The following ZNF566 variants were observed in gnomAD, a reference collection of about 807,000 sequenced individuals.
ZNF566 encodes zinc finger protein 566.
Under a neutral mutation model 32.8 loss-of-function variants are expected in ZNF566, and 27 were observed. The ratio of observed to expected loss-of-function variants is 0.82; its 90% CI spans 0.61 to 1.14. The LOEUF (loss-of-function observed/expected upper bound fraction) is 1.14. ZNF566 is among the 50% of genes most tolerant of loss of function. The probability of loss-of-function intolerance (pLI) is 0.00; values close to 1 mark genes in which losing one functional copy is unlikely to be tolerated. For missense variants in ZNF566, 402 were observed against 490.4 expected, an observed-to-expected ratio of 0.82 and a Z score of 1.70; for synonymous variants, 154 against 159.5, an observed-to-expected ratio of 0.97 and a Z score of 0.26.
rs372136007 is a variant in ZNF566, at chr19:36,449,871, A to G, written c.363T>C (p.Asp121=). Residue 121 remains aspartate (D), a synonymous_variant, in exon 5 of 5, where the codon GAT becomes GAC. Transcript: ENST00000452939. ...TCTTAAACTGCCGATTACATTCCCA[A>G]TCATCTCTGAAACTGGAGCACTGAA... The part of the protein sequence containing the change: ...RDFQCSSFRD[D]WECNRQFKKE... 1.1e-5 allele frequency: 17 copies of G among 1,613,936 alleles called. No individual in the cohort carries two copies. The Middle Eastern group carries it at 8.2e-4, about 78-fold the overall frequency.
chr19:36,450,949 A>G (rs928817265), intron 4 of ZNF566, among the ~76,000 whole-genome samples: 3 of 152,242 alleles, frequency 2.0e-5, no homozygotes, highest in African/African-American at 4.8e-5. Flanking sequence ...TTAGATATGC[A>G]TCGTCTAATA....
At chr19:36,486,544 G>A (rs1019703489) in intron 1 of ZNF566, among the ~76,000 whole-genome samples, 2 of 151,856 alleles carry the variant, frequency 1.3e-5, no homozygotes, top group Admixed American at 6.6e-5. Context: ...GGTGGCGCAA[G>A]CCTGTAATCC....
intron 4 of ZNF566, among the ~76,000 whole-genome samples, chr19:36,453,316 T>C (rs2033210925): frequency 6.6e-6 from 1 of 151,020 alleles, no homozygotes. Flanking sequence ...CTACTAAAAA[T>C]ACAAAAGTTA....
intron 4 of ZNF566, among the ~76,000 whole-genome samples, chr19:36,463,644 G>T (rs1205854686): frequency 6.8e-6 from 1 of 147,758 alleles, no homozygotes; most frequent in African/African-American, 2.5e-5. Flanking sequence ...CTGGGTTCAA[G>T]TGATGCTCAT....
Position 36,472,948 on chromosome 19 carries a change from C to G in ZNF566, c.195G>C (p.Trp65Cys), listed in dbSNP as rs750951939. ...CTCTTGTTAGCTCTCTGTCAGCCAA[C>G]CAGGGCTCCTTCCCTTGCTCCAAGT... ...ISYLEQGKEP[W>C]LADRELTRGQ... The change falls in exon 4 of 5, where the codon TGG (tryptophan) becomes TGC (cysteine). Residue 65 changes from tryptophan to cysteine, a missense_variant. By Grantham distance (215) the Trp-to-Cys change is radical. This residue lies in a region of ZNF566 where 220 missense variants were observed against 241.9 expected (regional missense o/e 0.91). Transcript: ENST00000452939. The G allele has an allele frequency of 1.2e-6, 2 of 1,614,036 alleles. No individual in the cohort carries two copies. Among genetic ancestry groups the G allele is most frequent in the South Asian group, 2.2e-5 (2 of 91,064 alleles).
chr19:36,449,124 C>T lies in ZNF566; in HGVS notation c.1110G>A (p.Lys370=). 1 of 1,614,058 alleles carries T rather than the reference C, an allele frequency of 6.2e-7. No homozygotes were observed. The highest frequency in any genetic ancestry group is 8.5e-7 in the Non-Finnish European group (1 of 1,179,984). The part of the protein sequence containing the change: ...IHTGEKPYEC[K]ICGKAYSQSS... ...TCTGAGAATAAGCCTTCCCACATAT[C>T]TTACATTCATAGGGTTTCTCCCCAG... The change falls in exon 5 of 5, where the codon AAG becomes AAA. Residue 370 remains lysine (K), a synonymous_variant. Transcript: ENST00000452939.
chr19:36,461,298 C>A (rs1457646957), intron 4 of ZNF566, among the ~76,000 whole-genome samples: 1 of 152,202 alleles, frequency 6.6e-6, no homozygotes, highest in African/African-American at 2.4e-5. Flanking sequence ...GTGTAGGATA[C>A]ACCCTGAGTT....
chr19:36,459,700 C>T (rs1158466110), intron 4 of ZNF566, among the ~76,000 whole-genome samples: 4 of 149,240 alleles, frequency 2.7e-5, no homozygotes, highest in South Asian at 4.3e-4. Flanking sequence ...TTAGTAAAGA[C>T]GGGGTTTCAC....
chr19:36,452,948 T>C (rs934403502), intron 4 of ZNF566, among the ~76,000 whole-genome samples: 2 of 151,784 alleles, frequency 1.3e-5, no homozygotes, highest in African/African-American at 4.8e-5. Context: ...TGAAACCCTG[T>C]CTCTACTAAA....
At chr19:36,487,860 G>A (rs1252650047) in intron 1 of ZNF566, among the ~76,000 whole-genome samples, 9 of 129,888 alleles carry the variant, frequency 6.9e-5, no homozygotes, top group Non-Finnish European at 1.4e-4. Context: ...TTGCATCACT[G>A]CACTCCAGCC....
At chr19:36,489,331 A>T (rs2034251817) in intron 1 of ZNF566, 155 bp downstream of exon 1, 3 of 228,782 alleles carry the variant, frequency 1.3e-5, no homozygotes, top group Non-Finnish European at 1.8e-5. Flanking sequence ...AAACACACTC[A>T]TCACAAGGGC....
chr19:36,481,005 T>C (rs191710419), intron 1 of ZNF566, among the ~76,000 whole-genome samples: 9 of 151,926 alleles, frequency 5.9e-5, no homozygotes, highest in Admixed American at 2.0e-4. Context: ...ATCACACCAC[T>C]GAACTCCGGC....
chr19:36,461,831 G>C (rs1243340377), intron 4 of ZNF566, among the ~76,000 whole-genome samples: 2 of 152,140 alleles, frequency 1.3e-5, no homozygotes, highest in Non-Finnish European at 2.9e-5. Flanking sequence ...GGCCTTTGCA[G>C]TGTTATTTGG....
intron 4 of ZNF566, among the ~76,000 whole-genome samples, chr19:36,452,189 C>A (rs2033175774): frequency 6.6e-6 from 1 of 150,802 alleles, no homozygotes; most frequent in African/African-American, 2.4e-5. Context: ...TTATAATATA[C>A]ATGTAATACA....
At chr19:36,458,874 CAA>C (rs1417303533) in intron 4 of ZNF566, among the ~76,000 whole-genome samples, 1 of 152,124 alleles carries the variant, frequency 6.6e-6, no homozygotes, top group Non-Finnish European at 1.5e-5. Context: ...CTTTTTGAGA[CAA>C]AGTTTTCACT....
intron 4 of ZNF566, among the ~76,000 whole-genome samples, chr19:36,459,604 A>T (rs1170452603): frequency 6.8e-6 from 1 of 147,546 alleles, no homozygotes; most frequent in African/African-American, 2.5e-5. Context: ...TCTGCCTTCC[A>T]GGTTCAAGCG....
At chr19:36,465,621 G>A (rs771308772) in intron 4 of ZNF566, among the ~76,000 whole-genome samples, 38 of 151,848 alleles carry the variant, frequency 2.5e-4, no homozygotes, top group Non-Finnish European at 4.9e-4. Context: ...ACAGGTGCCC[G>A]CCACCATGCC....
chr19:36,475,541 C>T (rs563752660), intron 2 of ZNF566, among the ~76,000 whole-genome samples: 2 of 152,250 alleles, frequency 1.3e-5, no homozygotes, highest in South Asian at 2.1e-4. Context: ...CTATAAGGTG[C>T]CCCTAATTAC....
chr19:36,482,175 G>A (rs1255918333), intron 1 of ZNF566, among the ~76,000 whole-genome samples: 3 of 152,194 alleles, frequency 2.0e-5, no homozygotes, highest in Non-Finnish European at 4.4e-5. Flanking sequence ...GCGCGATCTC[G>A]GCTCACTGCA....
Sources: allele counts gnomAD v4.1 joint callset (sites outside exome capture counted in the v4.1 genomes callset), GRCh38; gene constraint gnomAD v4.1.1; regional missense constraint gnomAD v4.1.1; transcripts MANE v1.5; gene names NCBI Gene and HGNC (gene_info 2026-07-23, HGNC 2026-07-21).